Variants in PRKN observed in about 807,000 individuals in gnomAD.
The protein encoded by PRKN is E3 ubiquitin-protein ligase parkin.
PRKN carries 56 observed loss-of-function variants against 59.5 expected under a neutral mutation model. That is an observed-to-expected ratio of 0.94 (90% CI 0.76 to 1.18). The LOEUF (loss-of-function observed/expected upper bound fraction) is 1.18, where lower values mean the gene tolerates loss of function less well. PRKN is among the 50% of genes most tolerant of loss of function. The pLI is 0.00. For synonymous variants in PRKN, 250 were observed against 222.1 expected (o/e 1.13, Z -1.12); for missense variants, 657 against 596.4 (o/e 1.10, Z -1.06).
At chr6:162,493,044 A>G (rs541102192) in intron 1 of PRKN, among the ~76,000 whole-genome samples, 207 of 150,808 alleles carry the variant, frequency 1.4e-3, no homozygotes, top group Non-Finnish European at 2.4e-3. Context: ...AGGGAGGAGG[A>G]TGGTGCTCAT....
intron 6 of PRKN, among the ~76,000 whole-genome samples, chr6:161,945,503 T>G (rs1226626868): frequency 2.0e-5 from 3 of 152,184 alleles, no homozygotes; most frequent in African/African-American, 2.4e-5. Flanking sequence ...TTCTGCCTTC[T>G]CCCAAGCTTT....
intron 9 of PRKN, among the ~76,000 whole-genome samples, chr6:161,424,445 G>A (rs764922600): frequency 1.3e-5 from 2 of 152,086 alleles, no homozygotes; most frequent in Admixed American, 6.6e-5. Flanking sequence ...GGGGCAAAGA[G>A]GAAGGCTTTT....
In PRKN at chr6:161,625,634, G is replaced by A. The variant is rs566531107; in HGVS notation, c.872-56218C>T. 5.3e-5 allele frequency among the ~76,000 whole-genome samples: 8 copies of A among 152,316 alleles called. No individual in the cohort carries two copies. In the East Asian group the frequency reaches 9.6e-4, roughly 18 times the overall value. On this transcript the variant is annotated intron_variant, in intron 7 of 11. Transcript: ENST00000366898. ...CTTCTGCATATAACCCATCGTTGAG[G>A]GGTAAGCGCAGAGGAGCAATGTGGC...
chr6:161,737,031 C>T (rs763911677), intron 7 of PRKN, among the ~76,000 whole-genome samples: 20 of 152,076 alleles, frequency 1.3e-4, no homozygotes, highest in African/African-American at 4.6e-4. Context: ...GAAGGGGAGG[C>T]GGAGGCATTC....
intron 6 of PRKN, among the ~76,000 whole-genome samples, chr6:161,841,281 C>T (rs1406906390): frequency 6.6e-6 from 1 of 152,018 alleles, no homozygotes; most frequent in South Asian, 2.1e-4. Flanking sequence ...CAGAGTCTCT[C>T]CTTGACCCAA....
At chr6:162,537,143 GCCCTGGCTGCACATCACAGT>G (rs1340416483) in intron 1 of PRKN, among the ~76,000 whole-genome samples, 1 of 152,156 alleles carries the variant, frequency 6.6e-6, no homozygotes, top group African/African-American at 2.4e-5. Flanking sequence ...GCAGTTTCTA[GCCCTGGCTGCACATCACAGT>G]CACCTGGGGA....
intron 6 of PRKN, among the ~76,000 whole-genome samples, chr6:161,884,387 TCATTTTG>T (rs1307119753): frequency 5.3e-5 from 8 of 152,328 alleles, no homozygotes; most frequent in African/African-American, 1.9e-4. Flanking sequence ...GAGCTGAATT[TCATTTTG>T]CAGCTTAGTT....
At chr6:161,436,736 C>T (rs1469104742) in intron 9 of PRKN, among the ~76,000 whole-genome samples, 1 of 152,062 alleles carries the variant, frequency 6.6e-6, no homozygotes, top group East Asian at 1.9e-4. Flanking sequence ...TGTCTATACA[C>T]AGGCCACCTG....
At chr6:162,666,778 T>C (rs1779120334) in intron 1 of PRKN, among the ~76,000 whole-genome samples, 1 of 152,128 alleles carries the variant, frequency 6.6e-6, no homozygotes, top group African/African-American at 2.4e-5. Flanking sequence ...ACAATGAGGT[T>C]TCTTGGTACT....
At chr6:162,675,758 A>G (rs1004374397) in intron 1 of PRKN, among the ~76,000 whole-genome samples, 1 of 152,146 alleles carries the variant, frequency 6.6e-6, no homozygotes, top group African/African-American at 2.4e-5. Flanking sequence ...ACTGTAATAT[A>G]CTTTTGGGAA....
At chr6:162,690,978 A>G (rs985581872) in intron 1 of PRKN, among the ~76,000 whole-genome samples, 1 of 152,160 alleles carries the variant, frequency 6.6e-6, no homozygotes, top group Non-Finnish European at 1.5e-5. Flanking sequence ...ACCTTTGGTT[A>G]TGAAGGATAT....
rs1414133810 is a variant in PRKN, at chr6:161,348,114, C to T, written c.*1985G>A. 5.2e-6 allele frequency: 1 copy of T among 192,354 alleles called. No individual in the cohort carries two copies. Among genetic ancestry groups the T allele is most frequent in the South Asian group, 1.9e-4 (1 of 5,170 alleles). 11.9% of individuals were successfully genotyped at this position (192,354 alleles called of 1,614,324 possible). A position where few individuals can be genotyped will look rare whatever the true frequency, so the allele number is the denominator to read the frequency against. On this transcript the variant is annotated 3_prime_UTR_variant, in exon 12 of 12. Transcript: ENST00000366898. This position sits in a 1 kb window ranked among gnomAD's most constrained non-coding sequence, Gnocchi z 4.9. ...GATTGGGAAGGCGCAATAATGCAAA[C>T]ACCATCAGGAAGAAAGCTATGGATG...
At chr6:162,161,878 T>C (rs1296632973) in intron 4 of PRKN, among the ~76,000 whole-genome samples, 5 of 152,194 alleles carry the variant, frequency 3.3e-5, no homozygotes, top group African/African-American at 1.2e-4. Context: ...AATTATTCTA[T>C]TTTATGATTA....
At chr6:161,842,309 C>A (rs1278822279) in intron 6 of PRKN, among the ~76,000 whole-genome samples, 1 of 151,720 alleles carries the variant, frequency 6.6e-6, no homozygotes, top group African/African-American at 2.4e-5. Flanking sequence ...CATAGTGAAA[C>A]CTCGTCTTTA....
At chr6:162,517,488 C>A (rs1284133534) in intron 1 of PRKN, among the ~76,000 whole-genome samples, 1 of 151,760 alleles carries the variant, frequency 6.6e-6, no homozygotes, top group African/African-American at 2.4e-5. Flanking sequence ...GATCTCCTGA[C>A]CTTGTGATCT....
chr6:161,765,796 T>C (rs1225864781), intron 7 of PRKN, among the ~76,000 whole-genome samples: 1 of 152,228 alleles, frequency 6.6e-6, no homozygotes, highest in Non-Finnish European at 1.5e-5. Flanking sequence ...CTTAGTTATA[T>C]ATGAACAATA....
chr6:161,884,714 T>C (rs1311952104), intron 6 of PRKN, among the ~76,000 whole-genome samples: 2 of 152,222 alleles, frequency 1.3e-5, no homozygotes, highest in African/African-American at 4.8e-5. Flanking sequence ...TCAATGAAAT[T>C]AGTTCTTGTA....
At chr6:161,860,528 T>C (rs1793853580) in intron 6 of PRKN, among the ~76,000 whole-genome samples, 1 of 152,212 alleles carries the variant, frequency 6.6e-6, no homozygotes, top group Admixed American at 6.5e-5. Context: ...ATCACAGCCC[T>C]AAAACAGAAC....
At chr6:162,389,304 G>C (rs1397771407) in intron 2 of PRKN, among the ~76,000 whole-genome samples, 6 of 152,042 alleles carry the variant, frequency 3.9e-5, no homozygotes, top group Non-Finnish European at 8.8e-5. Context: ...GGCACCGGTG[G>C]GTGCAGGTGA....
Sources: gnomAD v4.1 joint callset for allele counts (sites outside exome capture counted in the v4.1 genomes callset) on GRCh38, gnomAD v4.1.1 for gene constraint, Gnocchi (gnomAD v3.1) non-coding constraint, MANE v1.5 for transcripts, NCBI Gene and HGNC (gene_info 2026-07-23, HGNC 2026-07-21) for gene names.